The following ZNF257 variants were observed in gnomAD, a reference collection of about 807,000 sequenced individuals.
ZNF257 encodes the protein bone marrow zinc finger 4.
Under a neutral mutation model 11.9 loss-of-function variants are expected in ZNF257, and 12 were observed. The observed-to-expected ratio is 1.01, with a 90% CI of 0.65 to 1.63. The LOEUF (loss-of-function observed/expected upper bound fraction) is 1.63, where lower values mean the gene tolerates loss of function less well. Among genes scored for constraint, ZNF257 ranks in the 40% most tolerant of loss-of-function variants. The probability of loss-of-function intolerance (pLI) is 0.00; values close to 1 mark genes in which losing one functional copy is unlikely to be tolerated. For missense variants in ZNF257, 580 were observed against 665.5 expected (o/e 0.87, Z 1.41); for synonymous variants, 183 against 222.7 (o/e 0.82, Z 1.59).
Position 22,088,239 on chromosome 19 carries a change from T to A in ZNF257, c.489T>A (p.His163Gln), listed in dbSNP as rs1184347932. 1.2e-6 allele frequency: 2 copies of A among 1,610,878 alleles called. No individual in the cohort carries two copies. The highest frequency in any genetic ancestry group is 2.7e-5 in the African/African-American group (2 of 74,516). ...VFYKFSNSDR[H>Q]KIRHTEKKTC... is the part of the protein sequence containing the mutation. ...ATAAGTTTTCAAATTCAGATAGACA[T>A]AAGATAAGACATACTGAAAAGAAAA... The change falls in exon 4 of 4, where the codon CAT becomes CAA. Residue 163 changes from histidine (H) to glutamine (Q), a missense_variant. His to Gln is a conservative substitution (Grantham distance 24). Coordinates refer to ENST00000594947, the MANE Select transcript of ZNF257 (RefSeq NM_033468.4).
chr19:22,073,628 A>G, intron 3 of ZNF257, 64 bp downstream of exon 3: 2 of 1,534,004 alleles, frequency 1.3e-6, no homozygotes, highest in Non-Finnish European at 1.8e-6. Context: ...GTCAAGGAGA[A>G]AGCAAGTCCT....
Position 22,072,951 on chromosome 19 carries a change from G to A in ZNF257, c.130+16G>A, listed in dbSNP as rs2022139675. The stretch of plus-strand genomic sequence containing the variant: ...GTCTTCCTGGGTGAGGATAACTTCA[G>A]TACTCAATTCCTAATATACTCCAAA... On this transcript the variant is annotated intron_variant, in intron 2 of 3. Coordinates refer to ENST00000594947, the MANE Select transcript of ZNF257 (RefSeq NM_033468.4). 1 of 1,601,734 alleles carries A rather than the reference G, an allele frequency of 6.2e-7. No homozygotes were observed. The highest frequency in any genetic ancestry group is 8.5e-7 in the Non-Finnish European group (1 of 1,175,246).
chr19:22,054,898 A>G (rs2021584702), intron 1 of ZNF257, among the ~76,000 whole-genome samples: 1 of 145,610 alleles, frequency 6.9e-6, no homozygotes, highest in Non-Finnish European at 1.5e-5. Flanking sequence ...TATCTAGTGG[A>G]TATCAGCTAC....
At chr19:22,085,218 A>G (rs1452175217) in intron 3 of ZNF257, among the ~76,000 whole-genome samples, 1 of 150,366 alleles carries the variant, frequency 6.7e-6, no homozygotes, top group African/African-American at 2.5e-5. Context: ...ACACCTGGCT[A>G]ATTTTGTATT....
rs61426953 is a variant in ZNF257 at position 22,053,366 on chromosome 19, CAAAAAAAAAAAA to C, written c.3+748_3+759del. Among the ~76,000 whole-genome samples the C allele has an allele frequency of 1.8e-4, 14 of 76,500 alleles. No individual in the cohort carries two copies. The East Asian group carries it at 2.1e-3, about 12-fold the overall frequency. The allele number at this position is 76,500 out of a possible 152,430, so 50.2% of individuals were successfully genotyped here. A position where few individuals can be genotyped will look rare whatever the true frequency, so the allele number is the denominator to read the frequency against. The stretch of plus-strand genomic sequence containing the variant: ...CTGAAGACAGAGCGAGACTCCGTCT[CAAAAAAAAAAAA>C]AAAAAAAAAAAAAAAATTGTAAAGT... On this transcript the variant is annotated intron_variant, in intron 1 of 3. Coordinates refer to ENST00000594947, the MANE Select transcript of ZNF257 (RefSeq NM_033468.4).
rs373391582 is a variant in ZNF257, at chr19:22,089,480, G to C, written c.*38G>C. 2.9e-4 allele frequency: 457 copies of C among 1,576,254 alleles called. 5 individuals are homozygous for C. The African/African-American group carries it at 4.4e-3, about 15-fold the overall frequency. On this transcript the variant is annotated 3_prime_UTR_variant, in exon 4 of 4. Coordinates refer to ENST00000594947, the MANE Select transcript of ZNF257 (RefSeq NM_033468.4). ...CTACAAATGTGAAGAATGTGTCAAA[G>C]CTTTTAACTGTTCCTCAATCCTTAC...
chr19:22,074,006 CCTTTTT>C (rs1269492861), intron 3 of ZNF257, among the ~76,000 whole-genome samples: 25 of 151,978 alleles, frequency 1.6e-4, no homozygotes, highest in African/African-American at 5.3e-4. Flanking sequence ...CACATTTCAT[CCTTTTT>C]CTTTAGTATA....
intron 1 of ZNF257, among the ~76,000 whole-genome samples, chr19:22,068,480 G>T (rs1287887988): frequency 6.6e-6 from 1 of 152,076 alleles, no homozygotes; most frequent in Non-Finnish European, 1.5e-5. Context: ...ACAAGACAGG[G>T]CCAGGTTTTA....
rs764756341 is a variant in ZNF257, at chr19:22,063,480, T to C, written c.4-9329T>C. On this transcript the variant is annotated intron_variant, in intron 1 of 3. Transcript: ENST00000594947. ...AATTAAGATCTTTCTAACATTTCGA[T>C]GTGAGCATTTAGTGTTATAAATTTC... Among the ~76,000 whole-genome samples, 75 of 152,334 alleles carry C rather than the reference T, an allele frequency of 4.9e-4. 2 individuals are homozygous for C. Among genetic ancestry groups the C allele is most frequent in the South Asian group, 1.7e-3 (8 of 4,830 alleles).
chr19:22,083,621 G>C lies in ZNF257; in HGVS notation c.227-4356G>C, dbSNP rs375659834. Among the ~76,000 whole-genome samples, 12 of 152,154 alleles carry C rather than the reference G, an allele frequency of 7.9e-5. No individual in the cohort carries two copies. In the East Asian group the frequency reaches 1.9e-3, roughly 24 times the overall value. Reference sequence around the variant, plus strand: ...ATTGTTATGCAACATAATTGCTGAAGTGTTTTTATCTTGCAAAGCTAAATC... The same window carrying C: ...ATTGTTATGCAACATAATTGCTGAACTGTTTTTATCTTGCAAAGCTAAATC... On this transcript the variant is annotated intron_variant, in intron 3 of 3. Coordinates refer to ENST00000594947, the MANE Select transcript of ZNF257 (RefSeq NM_033468.4).
chr19:22,088,986 C>T lies in ZNF257; in HGVS notation c.1236C>T (p.Ser412=), dbSNP rs759645203. ...AATATTGCAAAGCTTTTAACTGGTC[C>T]TCAGCTCTTACTACCCTTACTCAGC... The part of the protein sequence containing the change: ...CDEYCKAFNW[S]SALTTLTQHK... The change falls in exon 4 of 4, where the codon TCC becomes TCT. Residue 412 remains serine (S), a synonymous_variant. Transcript: ENST00000594947. 4 of 1,609,238 alleles carry T rather than the reference C, an allele frequency of 2.5e-6. No individual in the cohort carries two copies. Among genetic ancestry groups the T allele is most frequent in the African/African-American group, 2.7e-5 (2 of 73,268 alleles).
At chr19:22,083,826 A>G (rs766984491) in intron 3 of ZNF257, among the ~76,000 whole-genome samples, 11 of 152,078 alleles carry the variant, frequency 7.2e-5, no homozygotes, top group Non-Finnish European at 1.6e-4. Context: ...AGTTGTTAGA[A>G]TATTTTCTGC....
intron 1 of ZNF257, among the ~76,000 whole-genome samples, chr19:22,052,953 C>A (rs923062639): frequency 2.6e-5 from 4 of 152,170 alleles, no homozygotes; most frequent in African/African-American, 9.7e-5. Context: ...AGGGGAGAAT[C>A]CTGACTCGGG....
At position 22,071,942 on chromosome 19, in the gene ZNF257, A is replaced by AC. The variant is rs2022112765; in HGVS notation, c.4-867_4-866insC. Among the ~76,000 whole-genome samples, 9 of 152,316 alleles carry AC rather than the reference A, an allele frequency of 5.9e-5. No homozygotes were observed. The South Asian group carries it at 1.9e-3, about 32-fold the overall frequency. On this transcript the variant is annotated intron_variant, in intron 1 of 3. Coordinates refer to ENST00000594947, the MANE Select transcript of ZNF257 (RefSeq NM_033468.4). ...TTATTACCCAGAAAGTCCTGAAAAA[A>AC]AATGAGGAAATACTTGCTCTCTAGG... is the stretch of plus-strand genomic sequence containing the variant.
Position 22,052,485 on chromosome 19 carries a change from C to CT in ZNF257, c.-145dup. On this transcript the variant is annotated 5_prime_UTR_variant, in exon 1 of 4. Transcript: ENST00000594947. ...GGGTGGCTTCCGGGTTTGGCGGGTA[C>CT]TTTGTCTCTCGCTCTAGCCCGAGCT... The CT allele has an allele frequency of 1.1e-6, 1 of 919,742 alleles. No homozygotes were observed. The highest frequency in any genetic ancestry group is 1.7e-6 in the Non-Finnish European group (1 of 599,200). 57.0% of individuals were successfully genotyped at this position (919,742 alleles called of 1,614,324 possible). A position where few individuals can be genotyped will look rare whatever the true frequency, so the allele number is the denominator to read the frequency against.
At chr19:22,080,483 T>C (rs2022332693) in intron 3 of ZNF257, among the ~76,000 whole-genome samples, 1 of 152,152 alleles carries the variant, frequency 6.6e-6, no homozygotes, top group Middle Eastern at 3.2e-3. Flanking sequence ...CAGTTACCAG[T>C]TACTCTTGGC....
In ZNF257 at chr19:22,088,282, T is replaced by C. The variant is rs369155546; in HGVS notation, c.532T>C (p.Cys178Arg). The change falls in exon 4 of 4, where the codon TGT (cysteine) becomes CGT (arginine). Residue 178 changes from cysteine to arginine, a missense_variant. By Grantham distance (180) the Cys-to-Arg change is radical (BLOSUM62 -3). Transcript: ENST00000594947. ...TEKKTCKCKE[C>R]GKSFCMLSQL... ...AAAGAAAACTTGCAAATGTAAAGAA[T>C]GTGGCAAATCATTTTGCATGCTTTC... 117 of 1,613,552 alleles carry C rather than the reference T, an allele frequency of 7.3e-5. No individual in the cohort carries two copies. The highest frequency in any genetic ancestry group is 9.4e-5 in the Non-Finnish European group (111 of 1,179,802).
chr19:22,086,758 C>T (rs2022485857), intron 3 of ZNF257, among the ~76,000 whole-genome samples: 1 of 151,878 alleles, frequency 6.6e-6, no homozygotes, highest in Non-Finnish European at 1.5e-5. Context: ...TTCTTCTGGC[C>T]TGCAAAATTT....
At chr19:22,067,766 G>A (rs1408014130) in intron 1 of ZNF257, among the ~76,000 whole-genome samples, 15 of 151,930 alleles carry the variant, frequency 9.9e-5, no homozygotes, top group Admixed American at 2.0e-4. Flanking sequence ...CCTGGGAGGC[G>A]AAGGTTGCAG....
Sources: allele counts gnomAD v4.1 joint callset (sites outside exome capture counted in the v4.1 genomes callset), GRCh38; gene constraint gnomAD v4.1.1; transcripts MANE v1.5; gene names NCBI Gene and HGNC (gene_info 2026-07-23, HGNC 2026-07-21).